RDX: variants seen among roughly 807,000 people sequenced by gnomAD.
The protein encoded by RDX is radixin.
RDX carries 32 observed loss-of-function variants against 83.7 expected under a neutral mutation model. The observed-to-expected ratio is 0.38, with a 90% CI of 0.29 to 0.51. The LOEUF (loss-of-function observed/expected upper bound fraction) is 0.51. Ranked by LOEUF, RDX falls within the 20% of genes least tolerant of loss-of-function variation. The pLI, the probability that RDX is intolerant of heterozygous loss-of-function variation, is 0.87. For synonymous variants in RDX, 229 were observed against 222.7 expected (o/e 1.03, Z -0.25); for missense variants, 600 against 689.9 (o/e 0.87, Z 1.46).
At chr11:110,176,252 C>G (rs140584921) in intron 15 of RDX, among the ~76,000 whole-genome samples, 1 of 151,920 alleles carries the variant, frequency 6.6e-6, no homozygotes, top group African/African-American at 2.4e-5. Context: ...TTAGTAGAGA[C>G]GGGGTTTCAC....
At chr11:110,251,535 CAA>C (rs1859341640) in intron 9 of RDX, among the ~76,000 whole-genome samples, 1 of 152,102 alleles carries the variant, frequency 6.6e-6, no homozygotes, top group Non-Finnish European at 1.5e-5. Context: ...GAAGAGGAGT[CAA>C]GCCCAGATTT....
chr11:110,254,664 T>C (rs1859473399), intron 8 of RDX, among the ~76,000 whole-genome samples: 1 of 152,036 alleles, frequency 6.6e-6, no homozygotes, highest in Non-Finnish European at 1.5e-5. Flanking sequence ...TCAGTAGAGA[T>C]GAAGTTTCAC....
At chr11:110,280,441 G>A (rs1860712358) in intron 1 of RDX, among the ~76,000 whole-genome samples, 1 of 152,046 alleles carries the variant, frequency 6.6e-6, no homozygotes, top group Non-Finnish European at 1.5e-5. Context: ...GTAGAGGCAG[G>A]GTTGCCCTAT....
intron 14 of RDX, among the ~76,000 whole-genome samples, chr11:110,221,339 T>TGTAA (rs1371391647): frequency 6.6e-6 from 1 of 152,134 alleles, no homozygotes; most frequent in Non-Finnish European, 1.5e-5. Flanking sequence ...AGCTCATGCC[T>TGTAA]GTAATCCCAG....
intron 3 of RDX, among the ~76,000 whole-genome samples, chr11:110,266,141 G>A (rs913151677): frequency 5.9e-5 from 9 of 151,502 alleles, no homozygotes; most frequent in Admixed American, 1.3e-4. Flanking sequence ...TGACTAACAC[G>A]GTGAAACTTC....
intron 1 of RDX, among the ~76,000 whole-genome samples, chr11:110,294,831 G>A (rs569751830): frequency 5.3e-5 from 8 of 152,216 alleles, no homozygotes; most frequent in South Asian, 4.2e-4. Flanking sequence ...CATGTGTGGG[G>A]ATACAGGAGT....
intron 10 of RDX, among the ~76,000 whole-genome samples, chr11:110,240,690 A>G (rs1225585125): frequency 7.1e-6 from 1 of 141,818 alleles, no homozygotes; most frequent in Non-Finnish European, 1.5e-5. Context: ...GCTTGCAGTG[A>G]GCCGAGATGG....
At chr11:110,233,063 TG>T (rs1864702618) in intron 13 of RDX, among the ~76,000 whole-genome samples, 173 bp downstream of exon 13, 1 of 152,234 alleles carries the variant, frequency 6.6e-6, no homozygotes, top group Non-Finnish European at 1.5e-5. Context: ...TATTTGCTAA[TG>T]GGTTCACACA....
At chr11:110,294,474 A>G (rs1381658202) in intron 1 of RDX, among the ~76,000 whole-genome samples, 1 of 152,196 alleles carries the variant, frequency 6.6e-6, no homozygotes, top group East Asian at 1.9e-4. Context: ...TAGAGGATCT[A>G]AAGTGACCTT....
intron 1 of RDX, among the ~76,000 whole-genome samples, chr11:110,286,085 G>T (rs571230826): frequency 6.6e-6 from 1 of 151,572 alleles, no homozygotes; most frequent in Non-Finnish European, 1.5e-5. Flanking sequence ...CAAGTTTATT[G>T]GTTTAAACTT....
chr11:110,190,916 C>G (rs1367316663), intron 15 of RDX, among the ~76,000 whole-genome samples: 1 of 152,290 alleles, frequency 6.6e-6, no homozygotes, highest in Non-Finnish European at 1.5e-5. Context: ...CTGAATAGAG[C>G]AGTATCAAGT....
At chr11:110,294,491 C>T (rs1266599270) in intron 1 of RDX, among the ~76,000 whole-genome samples, 1 of 151,964 alleles carries the variant, frequency 6.6e-6, no homozygotes, top group African/African-American at 2.4e-5. Context: ...CCTTGATGGA[C>T]AGTGGAAGAA....
intron 14 of RDX, among the ~76,000 whole-genome samples, chr11:110,222,514 G>T (rs1417155791): frequency 6.6e-6 from 1 of 152,144 alleles, no homozygotes; most frequent in Non-Finnish European, 1.5e-5. Context: ...ATTACTAAAT[G>T]GACCGGGCAT....
At chr11:110,180,891 G>A (rs944076347) in intron 15 of RDX, among the ~76,000 whole-genome samples, 6 of 152,010 alleles carry the variant, frequency 3.9e-5, no homozygotes, top group Admixed American at 1.3e-4. Flanking sequence ...GATGTGCCCC[G>A]TGTTATATTC....
In RDX at chr11:110,254,381, G is replaced by A. The variant is rs1289818027; in HGVS notation, c.796-272C>T. On this transcript the variant is annotated intron_variant, in intron 8 of 13. Transcript: ENST00000645495. ...ATGTCATTTATTCCTTTTTGTTCTC[G>A]AAAGTAACTATGAGCACCTGTTCCT... Among the ~76,000 whole-genome samples, 4 of 151,930 alleles carry A rather than the reference G, an allele frequency of 2.6e-5. No homozygotes were observed. The South Asian group carries it at 6.2e-4, about 24-fold the overall frequency.
At chr11:110,188,908 A>T (rs1279083355) in intron 15 of RDX, among the ~76,000 whole-genome samples, 1 of 152,186 alleles carries the variant, frequency 6.6e-6, no homozygotes, top group African/African-American at 2.4e-5. Flanking sequence ...TCTTACATAC[A>T]TGGCTCACAG....
At chr11:110,184,691 G>T (rs188093222) in intron 15 of RDX, among the ~76,000 whole-genome samples, 455 of 152,294 alleles carry the variant, frequency 3.0e-3, no homozygotes, top group Non-Finnish European at 5.1e-3. Context: ...TGGGAGGCGG[G>T]GTGTGCAGCG....
rs561745241 is a variant in RDX, at chr11:110,230,520, T to A, written c.*1349A>T. ...TGATTATGTAACTATCGTATCAAGGTACAGACATTCTTCACATGCTACAAG... is the reference window on the plus strand; with the variant it reads ...TGATTATGTAACTATCGTATCAAGGAACAGACATTCTTCACATGCTACAAG... On this transcript the variant is annotated 3_prime_UTR_variant, in exon 14 of 14. Transcript: ENST00000645495. 4 of 152,078 alleles carry A rather than the reference T, an allele frequency of 2.6e-5. No homozygotes were observed. The East Asian group carries it at 7.7e-4, about 29-fold the overall frequency. 9.4% of individuals were successfully genotyped at this position (152,078 alleles called of 1,614,324 possible).
chr11:110,235,589 G>A (rs556874337), intron 12 of RDX, among the ~76,000 whole-genome samples: 2 of 152,204 alleles, frequency 1.3e-5, no homozygotes, highest in African/African-American at 4.8e-5. Flanking sequence ...CAAGTCAATC[G>A]ATACTCCCAC....
Sources: gnomAD v4.1 joint callset for allele counts (sites outside exome capture counted in the v4.1 genomes callset) on GRCh38, gnomAD v4.1.1 for gene constraint, MANE v1.5 for transcripts, NCBI Gene and HGNC (gene_info 2026-07-23, HGNC 2026-07-21) for gene names.